The following GPM6A variants were observed in gnomAD, a reference collection of about 807,000 sequenced individuals.
GPM6A encodes the protein neuronal membrane glycoprotein M6-a.
A neutral mutation model predicts 32.1 loss-of-function variants in GPM6A; 7 were observed. The observed-to-expected ratio is 0.22, with a 90% confidence interval of 0.12 to 0.41. The LOEUF (loss-of-function observed/expected upper bound fraction) is 0.41, where lower values mean the gene tolerates loss of function less well. Ranked by LOEUF, GPM6A falls within the 10% of genes least tolerant of loss-of-function variation. The pLI, the probability that GPM6A is intolerant of heterozygous loss-of-function variation, is 1.00. For missense variants in GPM6A, 235 were observed against 347.2 expected (o/e 0.68, Z 2.57); for synonymous variants, 130 against 123.4 (o/e 1.05, Z -0.35).
At chr4:175,862,516 T>G (rs1323080679) in intron 1 of GPM6A, among the ~76,000 whole-genome samples, 1 of 152,214 alleles carries the variant, frequency 6.6e-6, no homozygotes, top group Admixed American at 6.5e-5. Flanking sequence ...TTAGAACAAT[T>G]TATTAATCCA....
At chr4:175,808,007 G>A (rs1287835999) in intron 1 of GPM6A, among the ~76,000 whole-genome samples, 1 of 152,178 alleles carries the variant, frequency 6.6e-6, no homozygotes, top group Admixed American at 6.5e-5. Context: ...AAAGTCCTTA[G>A]GCCAGTGTCT....
At chr4:175,808,877 G>A (rs2111324100) in intron 1 of GPM6A, 1 of 152,308 alleles carries the variant, frequency 6.6e-6, no homozygotes, top group South Asian at 2.1e-4. Flanking sequence ...AAGCCATCAG[G>A]GTTTTGGCTG....
intron 1 of GPM6A, among the ~76,000 whole-genome samples, chr4:175,827,006 TCACTG>T (rs1194219504): frequency 6.6e-6 from 1 of 152,170 alleles, no homozygotes; most frequent in East Asian, 1.9e-4. Context: ...CAAGGTGAAG[TCACTG>T]CACTAAATGT....
chr4:175,817,628 AG>A (rs1400059820), intron 1 of GPM6A, among the ~76,000 whole-genome samples: 1 of 90,022 alleles, frequency 1.1e-5, no homozygotes, highest in East Asian at 3.7e-4. Flanking sequence ...CACCCAAAGG[AG>A]ATGAAATTAG....
intron 1 of GPM6A, among the ~76,000 whole-genome samples, chr4:175,710,296 T>C (rs1332846982): frequency 6.6e-6 from 1 of 152,164 alleles, no homozygotes; most frequent in Non-Finnish European, 1.5e-5. Flanking sequence ...CATTGCTCTT[T>C]GGACTTTTCT....
At chr4:175,872,803 T>C (rs933653756) in intron 1 of GPM6A, 4 of 152,178 alleles carry the variant, frequency 2.6e-5, no homozygotes, top group Admixed American at 1.3e-4. Flanking sequence ...GGTATAACGC[T>C]CCTGTGAAAA....
chr4:175,659,876 A>C (rs887662410), intron 3 of GPM6A, among the ~76,000 whole-genome samples: 1 of 152,196 alleles, frequency 6.6e-6, no homozygotes, highest in African/African-American at 2.4e-5. Context: ...CTTGTGAGGA[A>C]ATATATCTTA....
At chr4:175,671,477 GAAAAAAAAAAAAAAAAA>G (rs544889132) in intron 3 of GPM6A, among the ~76,000 whole-genome samples, 1,754 of 24,538 alleles carry the variant, frequency 0.071, 100 homozygotes, top group African/African-American at 0.24. Context: ...GCCTACAAAC[GAAAAAAAAAAAAAAAAA>G]AAAAAAAAAA....
intron 1 of GPM6A, among the ~76,000 whole-genome samples, chr4:175,932,435 C>T (rs1409880549): frequency 1.3e-5 from 2 of 152,198 alleles, no homozygotes; most frequent in African/African-American, 4.8e-5. Context: ...GACACCAAAC[C>T]TGTGAGCGCC....
At chr4:175,760,424 G>A (rs1044772213) in intron 1 of GPM6A, among the ~76,000 whole-genome samples, 12 of 152,010 alleles carry the variant, frequency 7.9e-5, no homozygotes, top group African/African-American at 2.9e-4. Flanking sequence ...GAAAAGATGA[G>A]GAGACAAGCA....
chr4:175,704,366 A>C (rs535234569), intron 1 of GPM6A, among the ~76,000 whole-genome samples: 4 of 151,172 alleles, frequency 2.6e-5, no homozygotes, highest in East Asian at 2.0e-4. Context: ...CCCCCACCCC[A>C]CACACACACA....
chr4:175,669,404 A>AT (rs1202331724), intron 3 of GPM6A, among the ~76,000 whole-genome samples: 3 of 151,898 alleles, frequency 2.0e-5, no homozygotes, highest in Non-Finnish European at 2.9e-5. Flanking sequence ...TGAATTTCAA[A>AT]TTTTTTTTAG....
At chr4:175,982,627 C>A (rs138499092) in intron 1 of GPM6A, among the ~76,000 whole-genome samples, 35 of 152,202 alleles carry the variant, frequency 2.3e-4, no homozygotes, top group Non-Finnish European at 4.4e-4. Flanking sequence ...CTCACCAATG[C>A]CACACAGTTT....
At chr4:175,669,422 A>G (rs2110970936) in intron 3 of GPM6A, among the ~76,000 whole-genome samples, 1 of 152,270 alleles carries the variant, frequency 6.6e-6, no homozygotes, top group African/African-American at 2.4e-5. Context: ...TAGGTTTTGT[A>G]ATATTTGCAT....
chr4:175,974,936 A>T (rs569344333), intron 1 of GPM6A, among the ~76,000 whole-genome samples: 3 of 152,262 alleles, frequency 2.0e-5, no homozygotes, highest in Admixed American at 2.0e-4. Context: ...TGCCTGCCTC[A>T]GCCTCCCAAA....
intron 1 of GPM6A, among the ~76,000 whole-genome samples, chr4:175,789,316 C>T (rs1458990932): frequency 6.6e-6 from 1 of 151,866 alleles, no homozygotes; most frequent in African/African-American, 2.4e-5. Flanking sequence ...TCAAAACATC[C>T]ATGTTTGAAT....
intron 1 of GPM6A, among the ~76,000 whole-genome samples, chr4:175,719,374 A>G (rs1202958778): frequency 6.6e-6 from 1 of 151,956 alleles, no homozygotes; most frequent in Non-Finnish European, 1.5e-5. Context: ...AATTTTTTGT[A>G]TTTTTAGTAG....
intron 1 of GPM6A, among the ~76,000 whole-genome samples, chr4:175,769,009 G>C (rs1375812729): frequency 6.6e-6 from 1 of 151,948 alleles, no homozygotes; most frequent in Non-Finnish European, 1.5e-5. Flanking sequence ...GCAGGAGAAT[G>C]GCTTGAACCC....
At chr4:175,885,252 T>C (rs1352570346) in intron 1 of GPM6A, among the ~76,000 whole-genome samples, 2 of 152,220 alleles carry the variant, frequency 1.3e-5, no homozygotes, top group Non-Finnish European at 2.9e-5. Flanking sequence ...ACAAGGATTA[T>C]GTTAAGTGAT....
Sources: allele counts gnomAD v4.1 joint callset (sites outside exome capture counted in the v4.1 genomes callset), GRCh38; gene constraint gnomAD v4.1.1; transcripts MANE v1.5; gene names NCBI Gene and HGNC (gene_info 2026-07-23, HGNC 2026-07-21).